FREM1: variants seen among roughly 807,000 people sequenced by gnomAD.
FREM1 encodes the protein FRAS1 related extracellular matrix 1.
Under a neutral mutation model 210.1 loss-of-function variants are expected in FREM1, and 220 were observed. The ratio of observed to expected loss-of-function variants is 1.05; its 90% CI spans 0.94 to 1.17. The LOEUF (loss-of-function observed/expected upper bound fraction) is 1.17. Ranked by LOEUF, FREM1 falls within the 50% of genes most tolerant of loss-of-function variation. FREM1 has a pLI of 0.00. For synonymous variants in FREM1, 1,189 were observed against 980.2 expected (o/e 1.21, Z -3.98); for missense variants, 3,454 against 2,675.5 (o/e 1.29, Z -6.42).
chr9:14,739,130 G>T (rs1229147729), intron 36 of FREM1, among the ~76,000 whole-genome samples: 1 of 151,478 alleles, frequency 6.6e-6, no homozygotes, highest in Non-Finnish European at 1.5e-5. Flanking sequence ...TTGAGACAGG[G>T]TCTTGCTCTG....
At position 14,836,334 on chromosome 9, in the gene FREM1, A is replaced by G. The variant is rs1824608407; in HGVS notation, c.1881+5113T>C. On this transcript the variant is annotated intron_variant, in intron 10 of 36. Transcript: ENST00000380880. This position sits in a 1 kb window ranked among gnomAD's most constrained non-coding sequence, Gnocchi z 4.9. The stretch of plus-strand genomic sequence containing the variant: ...TATCCTTATAACTGGGATAATAGTT[A>G]CTGACAAAAAGAAAGCGTAAAAGTT... 6.6e-6 allele frequency among the ~76,000 whole-genome samples: 1 copy of G among 152,244 alleles called. No individual in the cohort carries two copies. The highest frequency in any genetic ancestry group is 1.5e-5 in the Non-Finnish European group (1 of 68,038).
chr9:14,899,752 T>C (rs1310259618), intron 1 of FREM1, among the ~76,000 whole-genome samples: 1 of 152,218 alleles, frequency 6.6e-6, no homozygotes, highest in Non-Finnish European at 1.5e-5. Context: ...ACGTATTTAC[T>C]GTAGGCGCAA....
chr9:14,872,819 T>C (rs1832928716), intron 1 of FREM1, among the ~76,000 whole-genome samples: 1 of 152,038 alleles, frequency 6.6e-6, no homozygotes, highest in Admixed American at 6.5e-5. Context: ...CATAGATAGC[T>C]TTTATTATTT....
intron 1 of FREM1, among the ~76,000 whole-genome samples, chr9:14,901,719 G>T (rs1020310920): frequency 1.3e-5 from 2 of 152,080 alleles, no homozygotes; most frequent in African/African-American, 4.8e-5. Flanking sequence ...CTCACTTTTT[G>T]AACACTTTAG....
chr9:14,756,329 A>T, intron 29 of FREM1, 45 bp downstream of exon 29: 2 of 1,441,318 alleles, frequency 1.4e-6, no homozygotes, highest in Non-Finnish European at 1.9e-6. Flanking sequence ...ACAAAAAAAA[A>T]CAAAAAACAA....
chr9:14,861,168 T>C (rs1445681696), intron 3 of FREM1, among the ~76,000 whole-genome samples: 1 of 124,232 alleles, frequency 8.0e-6, no homozygotes, highest in South Asian at 2.4e-4. Flanking sequence ...TATATACACA[T>C]GTATGTACAT....
At chr9:14,817,114 A>G (rs1005717040) in intron 14 of FREM1, among the ~76,000 whole-genome samples, 5 of 152,226 alleles carry the variant, frequency 3.3e-5, no homozygotes, top group East Asian at 1.9e-4. Context: ...TTTGTCCTCA[A>G]ATTAAAAAGC....
chr9:14,740,205 G>C lies in FREM1; in HGVS notation c.6284C>G (p.Ser2095Cys). 1.2e-6 allele frequency: 2 copies of C among 1,613,034 alleles called. No individual in the cohort carries two copies. Among genetic ancestry groups the C allele is most frequent in the Non-Finnish European group, 1.7e-6 (2 of 1,179,332 alleles). The change falls in exon 36 of 37, where the codon TCC becomes TGC. Residue 2095 changes from serine (S) to cysteine (C), a missense_variant. By Grantham distance (112) the Ser-to-Cys change is moderately radical. Coordinates refer to ENST00000380880, the MANE Select transcript of FREM1 (RefSeq NM_001379081.2). ...QYLGNLVTVF[S>C]RQHMRWLWDI... is the part of the protein sequence containing the mutation. ...CCAGAGCCACCGCATGTGCTGCCTGGAGAATACAGTTACAAGGTTGCCCAG... is the reference window on the plus strand; with the variant it reads ...CCAGAGCCACCGCATGTGCTGCCTGCAGAATACAGTTACAAGGTTGCCCAG...
intron 1 of FREM1, among the ~76,000 whole-genome samples, chr9:14,907,847 G>T (rs1450793009): frequency 6.6e-6 from 1 of 152,214 alleles, no homozygotes; most frequent in East Asian, 1.9e-4. Context: ...GAGCTAGGAA[G>T]ATACCAAAAC....
chr9:14,807,130 C>T lies in FREM1; in HGVS notation c.3089-284G>A, dbSNP rs549065692. Reference sequence around the variant, plus strand: ...AGAAATACTAACTGTTCCAGCACAGCCCTTTAGTCATTCTCAAGGAACTCT... The same window carrying T: ...AGAAATACTAACTGTTCCAGCACAGTCCTTTAGTCATTCTCAAGGAACTCT... On this transcript the variant is annotated intron_variant, in intron 17 of 36. Coordinates refer to ENST00000380880, the MANE Select transcript of FREM1 (RefSeq NM_001379081.2). Among the ~76,000 whole-genome samples the T allele has an allele frequency of 2.6e-5, 4 of 152,332 alleles. No individual in the cohort carries two copies. The South Asian group carries it at 8.3e-4, about 32-fold the overall frequency.
intron 29 of FREM1, among the ~76,000 whole-genome samples, chr9:14,750,856 G>C (rs1363482587): frequency 2.6e-5 from 4 of 152,110 alleles, no homozygotes; most frequent in Non-Finnish European, 5.9e-5. Flanking sequence ...TTATGGGCTG[G>C]GGGTTCTAGA....
At chr9:14,754,482 T>C (rs1202447000) in intron 29 of FREM1, among the ~76,000 whole-genome samples, 2 of 152,198 alleles carry the variant, frequency 1.3e-5, no homozygotes, top group African/African-American at 4.8e-5. Context: ...TTCACTGTTA[T>C]AGGCTGAATG....
intron 36 of FREM1, among the ~76,000 whole-genome samples, chr9:14,738,942 G>A (rs192408839): frequency 2.9e-4 from 41 of 142,344 alleles, no homozygotes; most frequent in Admixed American, 2.8e-3. Context: ...CCCAGGGGGC[G>A]GAAGTTGCAG....
At chr9:14,831,274 C>T (rs1029775560) in intron 10 of FREM1, among the ~76,000 whole-genome samples, 1 of 152,160 alleles carries the variant, frequency 6.6e-6, no homozygotes, top group Non-Finnish European at 1.5e-5. Flanking sequence ...CTGTCCGCAG[C>T]CTCTTACTCT....
chr9:14,887,751 A>G (rs905775913), intron 1 of FREM1, among the ~76,000 whole-genome samples: 1 of 152,036 alleles, frequency 6.6e-6, no homozygotes, highest in Non-Finnish European at 1.5e-5. Flanking sequence ...CATTCTTCCT[A>G]TGCATCTTTT....
intron 35 of FREM1, among the ~76,000 whole-genome samples, chr9:14,743,929 G>T (rs981794185): frequency 6.6e-6 from 1 of 152,002 alleles, no homozygotes; most frequent in African/African-American, 2.4e-5. Flanking sequence ...AGTGCATTAC[G>T]ACAAACTAAA....
At chr9:14,771,202 A>C (rs368936714) in intron 25 of FREM1, among the ~76,000 whole-genome samples, 38 of 152,326 alleles carry the variant, frequency 2.5e-4, no homozygotes, top group African/African-American at 9.1e-4. Flanking sequence ...AGAATTCTAG[A>C]GCAGACTTCA....
At chr9:14,749,141 T>G (rs1377999658) in intron 30 of FREM1, among the ~76,000 whole-genome samples, 1 of 152,200 alleles carries the variant, frequency 6.6e-6, no homozygotes, top group Non-Finnish European at 1.5e-5. Context: ...GAGCGGCTCC[T>G]ATTGGAAACC....
chr9:14,869,770 C>G (rs770974002), intron 1 of FREM1, among the ~76,000 whole-genome samples: 27 of 152,160 alleles, frequency 1.8e-4, no homozygotes, highest in Non-Finnish European at 1.3e-4. Context: ...AATGAAGACA[C>G]CTAAGAAACA....
Sources: gnomAD v4.1 joint callset for allele counts (sites outside exome capture counted in the v4.1 genomes callset) on GRCh38, gnomAD v4.1.1 for gene constraint, Gnocchi (gnomAD v3.1) non-coding constraint, MANE v1.5 for transcripts, NCBI Gene and HGNC (gene_info 2026-07-23, HGNC 2026-07-21) for gene names.